WDR3: variants seen among roughly 807,000 people sequenced by gnomAD.
WDR3 encodes the protein WD repeat-containing protein 3.
WDR3 carries 81 observed loss-of-function variants against 123.7 expected under a neutral mutation model. The ratio of observed to expected loss-of-function variants is 0.65; its 90% CI spans 0.55 to 0.79. WDR3 has a LOEUF of 0.79. WDR3 is among the 30% of genes least tolerant of loss of function. WDR3 has a pLI of 0.00. For synonymous variants in WDR3, 390 were observed against 388.8 expected (o/e 1.00, Z -0.04); for missense variants, 1,027 against 1,123.2 (o/e 0.91, Z 1.22).
chr1:117,948,638 C>G, intron 13 of WDR3, 132 bp downstream of exon 13: 1 of 520,858 alleles, frequency 1.9e-6, no homozygotes. Flanking sequence ...TATATGATGC[C>G]TTCTTATAAA....
chr1:117,945,945 T>C, intron 11 of WDR3, 141 bp from the exon 12 acceptor site: 1 of 459,170 alleles, frequency 2.2e-6, no homozygotes, highest in East Asian at 3.5e-5. Flanking sequence ...ATGACTATAA[T>C]TGTGTGTGAG....
At position 117,940,885 on chromosome 1, in the gene WDR3, A is replaced by C. The variant is rs558953422; in HGVS notation, c.734A>C (p.Gln245Pro). 1 of 1,614,084 alleles carries C rather than the reference A, an allele frequency of 6.2e-7. No individual in the cohort carries two copies. Among genetic ancestry groups the C allele is most frequent in the Non-Finnish European group, 8.5e-7 (1 of 1,180,000 alleles). The change falls in exon 7 of 27, where the codon CAA becomes CCA. Residue 245 changes from glutamine to proline, a missense_variant. Coordinates refer to ENST00000349139, the MANE Select transcript of WDR3 (RefSeq NM_006784.3). ...ATCAAAGGATCTTCTCCTGGAATAC[A>C]AGATACTCTTGAGGCAGAGGATGGT... ...KKIKGSSPGI[Q>P]DTLEAEDGAF...
At position 117,960,012 on chromosome 1, in the gene WDR3, GCTAA is replaced by G. The variant is rs1369500955; in HGVS notation, c.*568_*571del. On this transcript the variant is annotated 3_prime_UTR_variant, in exon 27 of 27. Transcript: ENST00000349139. ...GTCTGTATATAAGAAGATTCTAATT[GCTAA>G]CTGTTTATACTTTTCTGAATAAAAT... 3.3e-5 allele frequency: 5 copies of G among 151,990 alleles called. No homozygotes were observed. Among genetic ancestry groups the G allele is most frequent in the Admixed American group, 6.6e-5 (1 of 15,260 alleles). The allele number at this position is 151,990 out of a possible 1,614,324, so 9.4% of individuals were successfully genotyped here. A position where few individuals can be genotyped will look rare whatever the true frequency, so the allele number is the denominator to read the frequency against.
intron 21 of WDR3, 132 bp from the exon 22 acceptor site, chr1:117,953,875 C>T (rs987540517): frequency 1.3e-6 from 1 of 747,042 alleles, no homozygotes; most frequent in African/African-American, 1.8e-5. Context: ...TTTTGGCACT[C>T]TATTCGCACG....
chr1:117,934,644 T>C lies in WDR3; in HGVS notation c.343T>C (p.Tyr115His), dbSNP rs764663414. Residue 115 changes from tyrosine to histidine, a missense_variant, in exon 3 of 27, where the codon TAT (tyrosine) becomes CAT (histidine). Transcript: ENST00000349139. ...GHKAAITTLK[Y>H]DQLGGRLASG... Reference sequence around the variant, plus strand: ...CAAAGCAGCTATCACTACCTTGAAGTATGATCAGCTAGGAGGCAGACTGGC... The same window carrying C: ...CAAAGCAGCTATCACTACCTTGAAGCATGATCAGCTAGGAGGCAGACTGGC... The C allele has an allele frequency of 1.2e-6, 2 of 1,613,852 alleles. No individual in the cohort carries two copies. The highest frequency in any genetic ancestry group is 1.7e-6 in the Non-Finnish European group (2 of 1,179,958).
chr1:117,959,200 A>T (rs774320390), intron 26 of WDR3, 92 bp from the exon 27 acceptor site: 4 of 1,472,210 alleles, frequency 2.7e-6, no homozygotes, highest in Non-Finnish European at 3.7e-6. Context: ...AAGTAACAAC[A>T]CCTGAAGCTT....
intron 24 of WDR3, among the ~76,000 whole-genome samples, chr1:117,955,803 A>G (rs2101263480): frequency 1.3e-5 from 2 of 150,562 alleles, no homozygotes; most frequent in Middle Eastern, 3.5e-3. Flanking sequence ...ATTCCATTGT[A>G]TGAATAATTA....
intron 6 of WDR3, among the ~76,000 whole-genome samples, chr1:117,940,382 G>C (rs930461359): frequency 3.3e-5 from 5 of 152,152 alleles, no homozygotes; most frequent in African/African-American, 1.2e-4. Flanking sequence ...TCACTGATTA[G>C]AAGCTGTTAT....
At position 117,963,344 on chromosome 1, in the gene WDR3, T is replaced by C. The variant is rs922229198; in HGVS notation, c.*3897T>C. On this transcript the variant is annotated 3_prime_UTR_variant, in exon 27 of 27. Transcript: ENST00000349139. ...AATATATATAAAGAAGCAACTAGTA[T>C]AGTTATTTAAACAAATATTTTCTTT... The C allele has an allele frequency of 6.5e-6, 1 of 152,682 alleles. No individual in the cohort carries two copies. The highest frequency in any genetic ancestry group is 6.5e-5 in the Admixed American group (1 of 15,376). 9.5% of individuals were successfully genotyped at this position (152,682 alleles called of 1,614,324 possible).
In WDR3 at chr1:117,943,633, G is replaced by A; in HGVS notation, c.1328+7G>A. 1.9e-6 allele frequency: 3 copies of A among 1,613,274 alleles called. No individual in the cohort carries two copies. Among genetic ancestry groups the A allele is most frequent in the Non-Finnish European group, 2.5e-6 (3 of 1,179,540 alleles). On this transcript the variant is annotated splice_region_variant and intron_variant, in intron 11 of 26. Coordinates refer to ENST00000349139, the MANE Select transcript of WDR3 (RefSeq NM_006784.3). ...CCATTAAAATATGGAACAGGTTCGT[G>A]AAATGATGTTTTATATAGCTGTAGT... is the stretch of plus-strand genomic sequence containing the variant.
In WDR3 at chr1:117,963,166, G is replaced by C. The variant is rs1653329818; in HGVS notation, c.*3719G>C. ...CCCAACTCTTACATAGGGCCTGGCA[G>C]TGTTGCCCTTGTGTATCCCTTCCCC... On this transcript the variant is annotated 3_prime_UTR_variant, in exon 27 of 27. Coordinates refer to ENST00000349139, the MANE Select transcript of WDR3 (RefSeq NM_006784.3). 6.6e-6 allele frequency: 1 copy of C among 152,200 alleles called. No individual in the cohort carries two copies. Among genetic ancestry groups the C allele is most frequent in the African/African-American group, 2.4e-5 (1 of 41,426 alleles). The allele number at this position is 152,200 out of a possible 1,614,324, so 9.4% of individuals were successfully genotyped here.
chr1:117,935,982 A>G (rs535634378), intron 3 of WDR3, among the ~76,000 whole-genome samples: 13 of 152,196 alleles, frequency 8.5e-5, no homozygotes, highest in African/African-American at 3.1e-4. Flanking sequence ...TGGCAATTCA[A>G]AAGAGATACT....
intron 24 of WDR3, among the ~76,000 whole-genome samples, chr1:117,956,339 T>A (rs1197825019): frequency 6.6e-6 from 1 of 152,182 alleles, no homozygotes; most frequent in Non-Finnish European, 1.5e-5. Flanking sequence ...ATTTTCCTTT[T>A]GATTTTATTT....
At chr1:117,948,552 A>T in intron 13 of WDR3, 46 bp downstream of exon 13, 1 of 1,423,160 alleles carries the variant, frequency 7.0e-7, no homozygotes, top group Non-Finnish European at 9.6e-7. Context: ...CCCTGTGGCT[A>T]CCCTGATTTC....
In WDR3 at chr1:117,963,863, C is replaced by T; in HGVS notation, c.*4416C>T. The T allele has an allele frequency of 6.2e-7, 1 of 1,613,922 alleles. No individual in the cohort carries two copies. The highest frequency in any genetic ancestry group is 1.1e-5 in the South Asian group (1 of 91,068). The stretch of plus-strand genomic sequence containing the variant: ...TGTGGAGGAATAAATTGTAGAAGTT[C>T]TCTGGACCATTGGATTTTCTTTTCC... On this transcript the variant is annotated 3_prime_UTR_variant, in exon 27 of 27. Transcript: ENST00000349139.
In WDR3 at chr1:117,941,113, T is replaced by G; in HGVS notation, c.790-11T>G. 2 of 1,614,052 alleles carry G rather than the reference T, an allele frequency of 1.2e-6. No homozygotes were observed. Among genetic ancestry groups the G allele is most frequent in the Non-Finnish European group, 1.7e-6 (2 of 1,179,940 alleles). ...ACATCTAACCTTCATCTGCTCTTGCTTCTTCTGTAGCGAATCCTTTCATGC... is the reference window on the plus strand; with the variant it reads ...ACATCTAACCTTCATCTGCTCTTGCGTCTTCTGTAGCGAATCCTTTCATGC... On this transcript the variant is annotated splice_polypyrimidine_tract_variant and intron_variant, in intron 7 of 26. Transcript: ENST00000349139.
At chr1:117,933,808 G>A (rs1057343830) in intron 2 of WDR3, 25 of 339,974 alleles carry the variant, frequency 7.4e-5, no homozygotes, top group African/African-American at 5.1e-4. Flanking sequence ...TTTCAAGCTC[G>A]ACTTATGCTT....
At chr1:117,958,649 G>A (rs1007008103) in intron 25 of WDR3, among the ~76,000 whole-genome samples, 3 of 152,176 alleles carry the variant, frequency 2.0e-5, no homozygotes, top group Admixed American at 1.3e-4. Context: ...CCACTGGCAG[G>A]TTGCTGGGCT....
chr1:117,936,770 A>G lies in WDR3; in HGVS notation c.383A>G (p.Asp128Gly), dbSNP rs1476584124. The G allele has an allele frequency of 1.2e-6, 2 of 1,608,420 alleles. No homozygotes were observed. Among genetic ancestry groups the G allele is most frequent in the Non-Finnish European group, 1.7e-6 (2 of 1,176,610 alleles). The stretch of plus-strand genomic sequence containing the variant: ...ATCTGTATTATTTGATCCCTTTAGG[A>G]CACAGATATTATTGTATGGGATGTG... ...LGGRLASGSK[D>G]TDIIVWDVIN... The change falls in exon 4 of 27, where the codon GAC becomes GGC. Residue 128 changes from aspartate to glycine, a missense_variant and splice_region_variant. Coordinates refer to ENST00000349139, the MANE Select transcript of WDR3 (RefSeq NM_006784.3).
Sources: gnomAD v4.1 joint callset for allele counts (sites outside exome capture counted in the v4.1 genomes callset) on GRCh38, gnomAD v4.1.1 for gene constraint, MANE v1.5 for transcripts, NCBI Gene and HGNC (gene_info 2026-07-23, HGNC 2026-07-21) for gene names.